ANKRD11: variants seen among roughly 807,000 people sequenced by gnomAD.
ANKRD11 encodes ankyrin repeat domain-containing protein 11.
Under a neutral mutation model 195.7 loss-of-function variants are expected in ANKRD11, and 17 were observed. The ratio of observed to expected loss-of-function variants is 0.09; its 90% CI spans 0.06 to 0.13. The LOEUF (loss-of-function observed/expected upper bound fraction) is 0.13, where lower values mean the gene tolerates loss of function less well. ANKRD11 is among the 10% of genes least tolerant of loss of function. ANKRD11 has a pLI of 1.00. For missense variants in ANKRD11, 3,735 were observed against 3,566.1 expected, an observed-to-expected ratio of 1.05 and a Z score of -1.21; for synonymous variants, 1,953 against 1,528.1, an observed-to-expected ratio of 1.28 and a Z score of -6.49.
chr16:89,349,162 G>GAAT (rs1469903989), intron 2 of ANKRD11, among the ~76,000 whole-genome samples: 3 of 48,650 alleles, frequency 6.2e-5, no homozygotes, highest in Non-Finnish European at 1.2e-4. Flanking sequence ...AAAAAAAAAA[G>GAAT]AATAATAATT....
chr16:89,441,316 T>G (rs577298143), intron 1 of ANKRD11, among the ~76,000 whole-genome samples: 2 of 152,266 alleles, frequency 1.3e-5, no homozygotes, highest in East Asian at 3.9e-4. Flanking sequence ...GAATTTTCAT[T>G]CTGAAGAGAC....
In ANKRD11 at chr16:89,345,340, AC is replaced by A. The variant is rs535160336; in HGVS notation, c.-59-28263del. Among the ~76,000 whole-genome samples the A allele has an allele frequency of 1.4e-3, 199 of 145,312 alleles. 1 individual carries two copies. Among genetic ancestry groups the A allele is most frequent in the African/African-American group, 4.9e-3 (190 of 39,050 alleles). ...CGACCCCACAGAGCTCAGTGCCGAC[AC>A]CCCCCGGCACCTGGTGCCCCATCTG... On this transcript the variant is annotated intron_variant, in intron 2 of 12. Coordinates refer to ENST00000301030, the MANE Select transcript of ANKRD11 (RefSeq NM_013275.6).
At chr16:89,356,892 C>A (rs2039508305) in intron 2 of ANKRD11, among the ~76,000 whole-genome samples, 1 of 152,198 alleles carries the variant, frequency 6.6e-6, no homozygotes. Context: ...TTCTCCCAGG[C>A]CCTGTGGCTG....
At chr16:89,300,523 C>G in intron 4 of ANKRD11, 1 of 243,952 alleles carries the variant, frequency 4.1e-6, no homozygotes, top group South Asian at 6.5e-5. Flanking sequence ...TGCAGCTGAG[C>G]GGGTGGGAGA....
At chr16:89,278,848 G>C in intron 9 of ANKRD11, 1 of 760,200 alleles carries the variant, frequency 1.3e-6, no homozygotes, top group Non-Finnish European at 2.3e-6. Flanking sequence ...CCGAGGCCTG[G>C]CACGGACCAG....
At chr16:89,425,758 G>C (rs192243549) in intron 1 of ANKRD11, among the ~76,000 whole-genome samples, 1 of 152,238 alleles carries the variant, frequency 6.6e-6, no homozygotes, top group East Asian at 1.9e-4. Flanking sequence ...GATTTAAAGT[G>C]AAAGAGAAGG....
chr16:89,387,412 C>T lies in ANKRD11; in HGVS notation c.-60+30872G>A, dbSNP rs139207973. ...CTTGGGCCGGGCGCGGTGGCTCACT[C>T]CTGTAATCCCAGCACTTTGGGAGGC... On this transcript the variant is annotated intron_variant, in intron 2 of 12. Transcript: ENST00000301030. 9.6e-3 allele frequency among the ~76,000 whole-genome samples: 1,455 copies of T among 152,114 alleles called. 29 individuals carry two copies. The highest frequency in any genetic ancestry group is 0.033 in the African/African-American group (1,376 of 41,480).
intron 2 of ANKRD11, among the ~76,000 whole-genome samples, chr16:89,369,634 G>C (rs1305907263): frequency 6.6e-6 from 1 of 152,204 alleles, no homozygotes; most frequent in Non-Finnish European, 1.5e-5. Context: ...GTCACAGAAG[G>C]ACAACCAGGG....
Position 89,418,375 on chromosome 16 carries a change from C to A in ANKRD11, c.-144-7G>T, listed in dbSNP as rs2042384349. The A allele has an allele frequency of 2.3e-6, 1 of 438,382 alleles. No homozygotes were observed. Among genetic ancestry groups the A allele is most frequent in the Non-Finnish European group, 4.6e-6 (1 of 216,520 alleles). 27.2% of individuals were successfully genotyped at this position (438,382 alleles called of 1,614,324 possible). A position where few individuals can be genotyped will look rare whatever the true frequency, so the allele number is the denominator to read the frequency against. ...GAGCAGGGCTGTATATATTCTGAAACAAGAGAGTGAGATTAGCTCATGTCA... is the reference window on the plus strand; with the variant it reads ...GAGCAGGGCTGTATATATTCTGAAAAAAGAGAGTGAGATTAGCTCATGTCA... On this transcript the variant is annotated splice_region_variant and splice_polypyrimidine_tract_variant and intron_variant, in intron 1 of 12. Transcript: ENST00000301030.
intron 2 of ANKRD11, among the ~76,000 whole-genome samples, chr16:89,406,392 C>T (rs576666681): frequency 2.0e-5 from 3 of 152,294 alleles, no homozygotes; most frequent in African/African-American, 7.2e-5. Context: ...GACAAAACAC[C>T]AGCCGGCGCG....
At chr16:89,489,216 C>T (rs993981947) in intron 1 of ANKRD11, 1 of 110,028 alleles carries the variant, frequency 9.1e-6, no homozygotes, top group Admixed American at 9.0e-5. Context: ...ACCCTACACA[C>T]ACACACACAC....
intron 2 of ANKRD11, among the ~76,000 whole-genome samples, chr16:89,405,127 G>A (rs936981551): frequency 3.9e-5 from 6 of 152,058 alleles, no homozygotes; most frequent in South Asian, 4.2e-4. Flanking sequence ...CGGTGGAGGC[G>A]AGGTTGCGGT....
intron 2 of ANKRD11, among the ~76,000 whole-genome samples, chr16:89,354,699 C>G (rs965258788): frequency 6.6e-6 from 1 of 152,156 alleles, no homozygotes; most frequent in Non-Finnish European, 1.5e-5. Context: ...CTGGCTAACA[C>G]GGTGAAACCA....
chr16:89,366,494 T>C (rs951286414), intron 2 of ANKRD11, among the ~76,000 whole-genome samples: 4 of 152,228 alleles, frequency 2.6e-5, no homozygotes, highest in Non-Finnish European at 5.9e-5. Context: ...GCATCTGTTA[T>C]TTTTTAACCT....
intron 2 of ANKRD11, among the ~76,000 whole-genome samples, chr16:89,398,331 G>A (rs1275113185): frequency 8.4e-6 from 1 of 119,002 alleles, no homozygotes; most frequent in East Asian, 2.6e-4. Flanking sequence ...AACAGCTGAA[G>A]ACTACCTGTG....
chr16:89,297,191 G>C lies in ANKRD11; in HGVS notation c.227-6008C>G, dbSNP rs114895566. ...ATCATTTAGCACCTCTAATTTCTAG[G>C]CTTTTCTAGCAAGAGTCTTTTAGGA... On this transcript the variant is annotated intron_variant, in intron 4 of 12. Transcript: ENST00000301030. 8.3e-3 allele frequency among the ~76,000 whole-genome samples: 1,257 copies of C among 152,258 alleles called. 13 individuals carry two copies. The highest frequency in any genetic ancestry group is 0.028 in the African/African-American group (1,167 of 41,538).
intron 1 of ANKRD11, among the ~76,000 whole-genome samples, chr16:89,427,508 T>A (rs1160589073): frequency 5.3e-5 from 8 of 152,208 alleles, no homozygotes; most frequent in African/African-American, 1.9e-4. Context: ...ATAATTAAAA[T>A]GTCTAGGGGC....
chr16:89,288,365 G>A, intron 7 of ANKRD11, 163 bp downstream of exon 7: 1 of 1,145,876 alleles, frequency 8.7e-7, no homozygotes, highest in African/African-American at 1.5e-5. Context: ...GGGGAAAGCT[G>A]GGGGCAGACA....
At chr16:89,286,720 C>T (rs1474976022) in intron 7 of ANKRD11, 15 of 1,267,298 alleles carry the variant, frequency 1.2e-5, no homozygotes, top group African/African-American at 1.5e-5. Flanking sequence ...CTCTCCCTTG[C>T]TTGATTTTAC....
Sources: gnomAD v4.1 joint callset for allele counts (sites outside exome capture counted in the v4.1 genomes callset) on GRCh38, gnomAD v4.1.1 for gene constraint, MANE v1.5 for transcripts, NCBI Gene and HGNC (gene_info 2026-07-23, HGNC 2026-07-21) for gene names.